Variants in AQP11 observed in about 807,000 individuals in gnomAD.
AQP11 encodes the protein aquaporin 11.
Under a neutral mutation model 21.1 loss-of-function variants are expected in AQP11, and 20 were observed. That is an observed-to-expected ratio of 0.95 (90% CI 0.67 to 1.38). AQP11 has a LOEUF of 1.38. AQP11 is among the 40% of genes most tolerant of loss of function. The pLI, the probability that AQP11 is intolerant of heterozygous loss-of-function variation, is 0.00. For synonymous variants in AQP11, 167 were observed against 150.1 expected (o/e 1.11, Z -0.82); for missense variants, 339 against 340.4 (o/e 1.00, Z 0.03).
intron 1 of AQP11, among the ~76,000 whole-genome samples, chr11:77,591,799 G>A (rs1234791878): frequency 2.0e-5 from 3 of 152,256 alleles, no homozygotes; most frequent in Middle Eastern, 3.4e-3. Flanking sequence ...GCTGGAACCC[G>A]GGAGGCGGAG....
intron 2 of AQP11, among the ~76,000 whole-genome samples, chr11:77,608,994 GT>G (rs897685951): frequency 1.3e-5 from 2 of 152,144 alleles, no homozygotes; most frequent in Admixed American, 1.3e-4. Context: ...TTTGGATTTA[GT>G]TTATCCTTTG....
chr11:77,603,419 G>A, intron 1 of AQP11, 137 bp from the exon 2 acceptor site: 1 of 606,044 alleles, frequency 1.7e-6, no homozygotes, highest in Non-Finnish European at 2.9e-6. Flanking sequence ...TCTAAAATAT[G>A]CCAGGTGATT....
At chr11:77,600,735 G>A (rs986106682) in intron 1 of AQP11, among the ~76,000 whole-genome samples, 2 of 152,176 alleles carry the variant, frequency 1.3e-5, no homozygotes, top group Admixed American at 6.5e-5. Context: ...TTGTAGGGCC[G>A]GGTGCGGTGG....
At chr11:77,606,747 A>T (rs979384424) in intron 2 of AQP11, among the ~76,000 whole-genome samples, 4 of 151,920 alleles carry the variant, frequency 2.6e-5, no homozygotes, top group Admixed American at 1.3e-4. Flanking sequence ...GGTTTCTATA[A>T]AACCACACCC....
intron 1 of AQP11, chr11:77,591,313 C>T: frequency 1.0e-6 from 1 of 984,742 alleles, no homozygotes; most frequent in East Asian, 1.1e-4. Flanking sequence ...TGACAGATCT[C>T]AGATGCAGTG....
At chr11:77,605,209 A>T (rs967300419) in intron 2 of AQP11, among the ~76,000 whole-genome samples, 15 of 152,220 alleles carry the variant, frequency 9.9e-5, no homozygotes, top group Admixed American at 6.5e-4. Context: ...TCCGTTTTTA[A>T]ATTTTAAAGT....
intron 1 of AQP11, among the ~76,000 whole-genome samples, chr11:77,596,309 C>CG (rs1958778084): frequency 6.7e-6 from 1 of 149,798 alleles, no homozygotes; most frequent in South Asian, 2.1e-4. Context: ...GGCATGGTGG[C>CG]GGGCGCCTGT....
intron 1 of AQP11, among the ~76,000 whole-genome samples, chr11:77,599,946 T>A (rs185835846): frequency 2.0e-5 from 3 of 151,864 alleles, no homozygotes; most frequent in Admixed American, 6.6e-5. Context: ...GAATGATATA[T>A]TATTACTGTT....
Position 77,596,560 on chromosome 11 carries a change from A to G in AQP11, c.619+5949A>G, listed in dbSNP as rs866895813. On this transcript the variant is annotated intron_variant, in intron 1 of 2. Coordinates refer to ENST00000313578, the MANE Select transcript of AQP11 (RefSeq NM_173039.3). ...TAAATATATATATATATATATATATATATGTATGTAATGGTTAAGGCCAGG... is the reference window on the plus strand; with the variant it reads ...TAAATATATATATATATATATATATGTATGTATGTAATGGTTAAGGCCAGG... Among the ~76,000 whole-genome samples, 103 of 133,082 alleles carry G rather than the reference A, an allele frequency of 7.7e-4. 1 individual carries two copies. The highest frequency in any genetic ancestry group is 3.7e-3 in the Middle Eastern group (1 of 270). 87.3% of individuals were successfully genotyped at this position (133,082 alleles called of 152,430 possible).
At chr11:77,598,754 G>A (rs190084810) in intron 1 of AQP11, among the ~76,000 whole-genome samples, 42 of 152,118 alleles carry the variant, frequency 2.8e-4, no homozygotes, top group East Asian at 2.7e-3. Context: ...TTGCTCTGTC[G>A]CCCAGGCTGG....
intron 1 of AQP11, among the ~76,000 whole-genome samples, chr11:77,591,878 AAAAAG>A (rs1047475165): frequency 1.3e-5 from 2 of 152,194 alleles, no homozygotes; most frequent in African/African-American, 4.8e-5. Context: ...CTGTCTCAAA[AAAAAG>A]AAAGAAAGCA....
intron 1 of AQP11, among the ~76,000 whole-genome samples, chr11:77,596,570 AATGGT>A (rs1958784697): frequency 2.9e-5 from 4 of 135,958 alleles, no homozygotes; most frequent in African/African-American, 8.1e-5. Context: ...ATATGTATGT[AATGGT>A]TAAGGCCAGG....
At chr11:77,596,537 A>AATATAT (rs529433093) in intron 1 of AQP11, among the ~76,000 whole-genome samples, 2,135 of 86,520 alleles carry the variant, frequency 0.025, 120 homozygotes, top group East Asian at 0.052. Flanking sequence ...TATATATGTA[A>AATATAT]ATATATATAT....
intron 1 of AQP11, among the ~76,000 whole-genome samples, chr11:77,596,494 GTGTAAATATATATGTGTAAATATATA>G (rs1565117410): frequency 8.5e-6 from 1 of 117,916 alleles, no homozygotes; most frequent in Non-Finnish European, 1.7e-5. Flanking sequence ...GTAAATATAT[GTGTAAATATATATGTGTAAATATATA>G]TGTAAATATA....
At chr11:77,592,005 C>G (rs987348379) in intron 1 of AQP11, among the ~76,000 whole-genome samples, 6 of 152,208 alleles carry the variant, frequency 3.9e-5, no homozygotes. Context: ...GTGGCTCACA[C>G]CTGTCATCCC....
rs1220714755 is a variant in AQP11, at chr11:77,603,639, T to C, written c.703T>C (p.Phe235Leu). The C allele has an allele frequency of 6.2e-7, 1 of 1,608,310 alleles. No homozygotes were observed. Among genetic ancestry groups the C allele is most frequent in the African/African-American group, 1.3e-5 (1 of 74,790 alleles). The change falls in exon 2 of 3, where the codon TTT becomes CTT. Residue 235 changes from phenylalanine to leucine, a missense_variant. By Grantham distance (22) the Phe-to-Leu change is conservative. Transcript: ENST00000313578. The part of the protein sequence containing the change: ...FMCFDEAFPQ[F>L]FIVYWLAPSL... ...GTGTTTTGATGAAGCATTCCCTCAG[T>C]TTTTTATAGTATACTGGCTGGCTCC...
chr11:77,599,210 C>T (rs1958800863), intron 1 of AQP11, among the ~76,000 whole-genome samples: 5 of 149,954 alleles, frequency 3.3e-5, no homozygotes, highest in Non-Finnish European at 1.5e-5. Context: ...TTTCTTTTTG[C>T]CCCCGGAGTA....
chr11:77,595,084 G>C (rs1341876175), intron 1 of AQP11, among the ~76,000 whole-genome samples: 2 of 152,200 alleles, frequency 1.3e-5, no homozygotes, highest in African/African-American at 4.8e-5. Flanking sequence ...GCTCACGCCT[G>C]TAATCTCAGC....
intron 2 of AQP11, among the ~76,000 whole-genome samples, chr11:77,605,100 A>T (rs1157999849): frequency 6.6e-6 from 1 of 152,096 alleles, no homozygotes; most frequent in South Asian, 2.1e-4. Flanking sequence ...GGCTGAGGCA[A>T]GAGAATGGTG....
Sources: gnomAD v4.1 joint callset for allele counts (sites outside exome capture counted in the v4.1 genomes callset) on GRCh38, gnomAD v4.1.1 for gene constraint, MANE v1.5 for transcripts, NCBI Gene and HGNC (gene_info 2026-07-23, HGNC 2026-07-21) for gene names.